SAMD5: variants seen among roughly 807,000 people sequenced by gnomAD.
SAMD5 encodes sterile alpha motif domain-containing protein 5.
In SAMD5, 13 loss-of-function variants were observed where a neutral mutation model predicts 11.3. The ratio of observed to expected loss-of-function variants is 1.15; its 90% CI spans 0.75 to 1.83. The LOEUF is 1.83. SAMD5 is among the 40% of genes most tolerant of loss of function. SAMD5 has a pLI of 0.00. For missense variants in SAMD5, 255 were observed against 239.1 expected (o/e 1.07, Z -0.44); for synonymous variants, 129 against 111.3 (o/e 1.16, Z -1.00).
intron 1 of SAMD5, among the ~76,000 whole-genome samples, chr6:147,564,104 A>T (rs1357679678): frequency 3.3e-5 from 5 of 151,636 alleles, no homozygotes; most frequent in Admixed American, 3.3e-4. Context: ...TTATCTAACC[A>T]TTTTTTTTTA....
chr6:147,877,885 A>ACACAC, the SAMD5 span, among the ~76,000 whole-genome samples: 4 of 44,308 alleles, frequency 9.0e-5, no homozygotes, highest in Non-Finnish European at 2.4e-4. Flanking sequence ...CACACACGAT[A>ACACAC]GATAGATAGC....
chr6:147,830,747 G>A, the SAMD5 span, among the ~76,000 whole-genome samples: 3 of 152,128 alleles, frequency 2.0e-5, no homozygotes, highest in Non-Finnish European at 4.4e-5. Context: ...TAACTAATAG[G>A]TTATGAATGA....
chr6:147,950,368 G>C, the SAMD5 span, among the ~76,000 whole-genome samples: 3 of 152,144 alleles, frequency 2.0e-5, no homozygotes, highest in Non-Finnish European at 4.4e-5. Flanking sequence ...CCTCAGCATG[G>C]CCTCCTGATA....
chr6:147,641,608 G>A (rs575632507), intron 1 of SAMD5, among the ~76,000 whole-genome samples: 1 of 136,438 alleles, frequency 7.3e-6, no homozygotes, highest in Non-Finnish European at 1.6e-5. Flanking sequence ...ATGGTTGTAT[G>A]CCCATATTCT....
intron 1 of SAMD5, among the ~76,000 whole-genome samples, chr6:147,536,198 T>C (rs1282151810): frequency 2.6e-5 from 4 of 152,128 alleles, no homozygotes; most frequent in Non-Finnish European, 2.9e-5. Flanking sequence ...TTAGCTAGGA[T>C]GGTCTCAATC....
the SAMD5 span, among the ~76,000 whole-genome samples, chr6:147,791,815 A>G: frequency 8.7e-3 from 1,327 of 152,302 alleles, 14 homozygotes; most frequent in African/African-American, 0.029. Flanking sequence ...AATGCATATT[A>G]CTAGCTGAGG....
chr6:147,873,961 C>T, the SAMD5 span, among the ~76,000 whole-genome samples: 1 of 152,140 alleles, frequency 6.6e-6, no homozygotes, highest in Admixed American at 6.6e-5. Flanking sequence ...TAGAATGAGT[C>T]AGTGGATTGT....
At chr6:147,866,583 A>G in the SAMD5 span, among the ~76,000 whole-genome samples, 1 of 152,172 alleles carries the variant, frequency 6.6e-6, no homozygotes, top group Admixed American at 6.5e-5. Flanking sequence ...TATCCTCTGT[A>G]TACTTTTCCT....
At chr6:147,859,170 G>GT in the SAMD5 span, among the ~76,000 whole-genome samples, 3 of 152,056 alleles carry the variant, frequency 2.0e-5, no homozygotes. Flanking sequence ...GTGCTTCCAT[G>GT]TCCCCAAGTG....
intron 1 of SAMD5, among the ~76,000 whole-genome samples, chr6:147,676,634 G>A (rs1790866756): frequency 6.6e-6 from 1 of 152,124 alleles, no homozygotes. Context: ...GAACATGCCT[G>A]GCACATTGTA....
intron 1 of SAMD5, among the ~76,000 whole-genome samples, chr6:147,533,056 G>A (rs1788453746): frequency 6.6e-6 from 1 of 152,122 alleles, no homozygotes; most frequent in Non-Finnish European, 1.5e-5. Flanking sequence ...TGAAAGCAGT[G>A]CAGCCATGGT....
At chr6:147,601,501 C>T (rs763946737) in intron 1 of SAMD5, among the ~76,000 whole-genome samples, 3 of 151,944 alleles carry the variant, frequency 2.0e-5, no homozygotes, top group African/African-American at 2.4e-5. Flanking sequence ...AAATTGTACA[C>T]GTCAGTTTAA....
the SAMD5 span, among the ~76,000 whole-genome samples, chr6:147,755,084 C>A: frequency 1.3e-5 from 2 of 151,558 alleles, no homozygotes; most frequent in African/African-American, 4.8e-5. Context: ...ATTTTTTTTT[C>A]TATTTCTGAA....
chr6:147,621,442 G>A (rs577285499), intron 1 of SAMD5, among the ~76,000 whole-genome samples: 1 of 147,750 alleles, frequency 6.8e-6, no homozygotes, highest in African/African-American at 2.5e-5. Flanking sequence ...CTTCAGCCTG[G>A]TAACTGGGTG....
chr6:147,619,172 C>T (rs976448599), intron 1 of SAMD5, among the ~76,000 whole-genome samples: 8 of 152,188 alleles, frequency 5.3e-5, no homozygotes, highest in Non-Finnish European at 1.0e-4. Context: ...AGGGCCGTGA[C>T]GTGCACAAGA....
chr6:147,902,303 G>A, the SAMD5 span, among the ~76,000 whole-genome samples: 1 of 151,846 alleles, frequency 6.6e-6, no homozygotes, highest in African/African-American at 2.4e-5. Context: ...GGTTTTAACT[G>A]TTCCTAAGGC....
At chr6:147,896,749 A>C in the SAMD5 span, among the ~76,000 whole-genome samples, 40 of 146,654 alleles carry the variant, frequency 2.7e-4, no homozygotes, top group African/African-American at 9.6e-4. Context: ...AAAAAAAAAA[A>C]AAAAAAAAAA....
intron 1 of SAMD5, among the ~76,000 whole-genome samples, chr6:147,644,187 C>CTAAT: frequency 6.6e-6 from 1 of 151,304 alleles, no homozygotes. Context: ...AAATGCTGCT[C>CTAAT]TAATTAGAAA....
At chr6:147,713,975 G>T (rs191815851) in intron 1 of SAMD5, among the ~76,000 whole-genome samples, 12 of 152,092 alleles carry the variant, frequency 7.9e-5, no homozygotes, top group Admixed American at 2.0e-4. Flanking sequence ...CTCAAAACAG[G>T]TCTGTATTTT....
Sources: allele counts gnomAD v4.1 joint callset (sites outside exome capture counted in the v4.1 genomes callset), GRCh38; gene constraint gnomAD v4.1.1; transcripts MANE v1.5; gene names NCBI Gene and HGNC (gene_info 2026-07-23, HGNC 2026-07-21).